PLA2G4E: variants seen among roughly 807,000 people sequenced by gnomAD.
PLA2G4E encodes the protein cytosolic phospholipase A2 epsilon.
In PLA2G4E, 84 loss-of-function variants were observed where a neutral mutation model predicts 109.1. The observed-to-expected ratio is 0.77, with a 90% CI of 0.65 to 0.92. The LOEUF is 0.92. Among genes scored for constraint, PLA2G4E ranks in the 40% least tolerant of loss-of-function variants. The pLI is 0.00. For missense variants in PLA2G4E, 1,057 were observed against 1,076.6 expected (o/e 0.98, Z 0.25); for synonymous variants, 469 against 436.1 (o/e 1.08, Z -0.94).
At chr15:41,992,818 G>C (rs1425312429) in exon 13 of PLA2G4E, 2 of 1,613,914 alleles carry the variant, frequency 1.2e-6, no homozygotes, top group Non-Finnish European at 1.7e-6. Flanking sequence ...TGCGCTGCCG[G>C]AGCTCCTCCT....
chr15:42,044,254 C>T (rs1190488395), intron 1 of PLA2G4E, among the ~76,000 whole-genome samples: 3 of 152,066 alleles, frequency 2.0e-5, no homozygotes, highest in Non-Finnish European at 4.4e-5. Flanking sequence ...TTTGGGGAGA[C>T]GTCAGGGATG....
chr15:42,042,654 G>C (rs59777052), intron 1 of PLA2G4E, among the ~76,000 whole-genome samples: 29,055 of 149,220 alleles, frequency 0.19, 2,903 homozygotes, highest in South Asian at 0.33. Flanking sequence ...GGTGTAGCTT[G>C]AGGTGGGGTC....
chr15:42,003,424 A>G (rs1002345539), intron 5 of PLA2G4E, among the ~76,000 whole-genome samples: 3 of 152,092 alleles, frequency 2.0e-5, no homozygotes, highest in Non-Finnish European at 4.4e-5. Flanking sequence ...ATGCCCAACT[A>G]ATTTTTTGTA....
chr15:42,006,281 G>T, intron 3 of PLA2G4E, 160 bp from the exon 4 acceptor site: 1 of 844,674 alleles, frequency 1.2e-6, no homozygotes, highest in Non-Finnish European at 1.7e-6. Flanking sequence ...GTAGGGAAAC[G>T]AATTAAGGAA....
chr15:41,981,843 A>C (rs1460926016), exon 20 of PLA2G4E: 1 of 152,258 alleles, frequency 6.6e-6, no homozygotes, highest in African/African-American at 2.4e-5. Context: ...GATGGGGACC[A>C]GTTTTGCAGG....
In PLA2G4E at chr15:42,027,202, G is replaced by A. The variant is rs570519465; in HGVS notation, c.184-13445C>T. Reference sequence around the variant, plus strand: ...TTGACAGGAAGAGGCAGGAAACACTGGTAAATCTATCAAGGACATCTACAA... The same window carrying A: ...TTGACAGGAAGAGGCAGGAAACACTAGTAAATCTATCAAGGACATCTACAA... On this transcript the variant is annotated intron_variant, in intron 1 of 19. Transcript: ENST00000399518. Among the ~76,000 whole-genome samples, 67 of 152,242 alleles carry A rather than the reference G, an allele frequency of 4.4e-4. 1 individual carries two copies. Among genetic ancestry groups the A allele is most frequent in the Admixed American group, 2.6e-4 (4 of 15,294 alleles).
At chr15:41,990,946 C>T (rs2068237485) in intron 13 of PLA2G4E, among the ~76,000 whole-genome samples, 1 of 151,924 alleles carries the variant, frequency 6.6e-6, no homozygotes, top group African/African-American at 2.4e-5. Flanking sequence ...GCAGCTGACT[C>T]CTGGGTGACC....
chr15:42,011,195 C>T (rs1026688429), intron 2 of PLA2G4E, among the ~76,000 whole-genome samples: 4 of 152,270 alleles, frequency 2.6e-5, no homozygotes, highest in African/African-American at 9.6e-5. Flanking sequence ...CCAAAGGCAG[C>T]CTGTCTGCCC....
At chr15:42,001,934 C>T (rs1165042032) in intron 6 of PLA2G4E, among the ~76,000 whole-genome samples, 1 of 152,174 alleles carries the variant, frequency 6.6e-6, no homozygotes, top group Non-Finnish European at 1.5e-5. Context: ...CTCAAGTGAT[C>T]CCCCAACCTT....
intron 2 of PLA2G4E, among the ~76,000 whole-genome samples, chr15:42,010,507 C>T (rs190505200): frequency 1.4e-3 from 210 of 152,298 alleles, no homozygotes; most frequent in African/African-American, 4.8e-3. Flanking sequence ...GGTTAGGCAA[C>T]GGTGACCTGG....
chr15:42,007,855 T>G lies in PLA2G4E; in HGVS notation c.267A>C (p.Thr89=), dbSNP rs763054898. The G allele has an allele frequency of 1.9e-6, 3 of 1,603,654 alleles. No individual in the cohort carries two copies. In the African/African-American group the frequency reaches 4.0e-5, roughly 21 times the overall value. ...GCAGCCAGAGGCTCACAAAACAGTC[T>G]GTCTGGCTCACTGTCCAAGAAAGAT... The change falls in exon 3 of 20, where the codon ACA becomes ACC. Residue 89 remains threonine, a synonymous_variant. Transcript: ENST00000399518.
Position 42,029,268 on chromosome 15 carries a change from A to AT in PLA2G4E, c.184-15512dup, listed in dbSNP as rs534218458. ...ATCACCACGCCTAGCTAATTTTTGT[A>AT]TTTTTTTTGTAGAGACAGGGTTTTG... is the stretch of plus-strand genomic sequence containing the variant. On this transcript the variant is annotated intron_variant, in intron 1 of 19. Coordinates refer to ENST00000399518, the Ensembl canonical transcript of PLA2G4E. 1.3e-3 allele frequency among the ~76,000 whole-genome samples: 204 copies of AT among 151,720 alleles called. 1 individual carries two copies. Among genetic ancestry groups the AT allele is most frequent in the Non-Finnish European group, 1.7e-3 (118 of 67,844 alleles).
At chr15:42,009,468 G>A (rs998258112) in intron 2 of PLA2G4E, among the ~76,000 whole-genome samples, 9 of 152,154 alleles carry the variant, frequency 5.9e-5, no homozygotes, top group Non-Finnish European at 1.2e-4. Flanking sequence ...AAGCCACAAG[G>A]AGCTTTTTAG....
chr15:41,999,458 G>C (rs924194263), intron 10 of PLA2G4E, 66 bp downstream of exon 10: 1 of 1,217,498 alleles, frequency 8.2e-7, no homozygotes, highest in African/African-American at 1.5e-5. Context: ...AAACCACAGT[G>C]AGATACCACT....
At chr15:42,046,225 A>T (rs1225237030) in intron 1 of PLA2G4E, among the ~76,000 whole-genome samples, 2 of 152,228 alleles carry the variant, frequency 1.3e-5, no homozygotes, top group South Asian at 4.1e-4. Context: ...AGACAAAGTG[A>T]TGCAGGTAAA....
At chr15:42,043,133 A>G (rs1362938128) in intron 1 of PLA2G4E, among the ~76,000 whole-genome samples, 1 of 152,166 alleles carries the variant, frequency 6.6e-6, no homozygotes, top group Non-Finnish European at 1.5e-5. Context: ...TGGAAACCTA[A>G]TGATCTGTTC....
intron 10 of PLA2G4E, chr15:41,997,872 C>T (rs2068366939): frequency 6.6e-6 from 1 of 152,118 alleles, no homozygotes; most frequent in Non-Finnish European, 1.5e-5. Flanking sequence ...GCAGGCACCT[C>T]TGTGACATGC....
intron 1 of PLA2G4E, among the ~76,000 whole-genome samples, chr15:42,032,499 C>T (rs1000766488): frequency 1.2e-4 from 19 of 152,200 alleles, no homozygotes; most frequent in African/African-American, 4.3e-4. Context: ...CTGAGGAAGG[C>T]CTTGGCTCCC....
At chr15:42,044,280 C>G (rs1213637440) in intron 1 of PLA2G4E, among the ~76,000 whole-genome samples, 1 of 152,170 alleles carries the variant, frequency 6.6e-6, no homozygotes, top group African/African-American at 2.4e-5. Context: ...CCAGAGGAAG[C>G]AGCCTTGAAG....
Sources: allele counts gnomAD v4.1 joint callset (sites outside exome capture counted in the v4.1 genomes callset), GRCh38; gene constraint gnomAD v4.1.1; transcripts MANE v1.5; gene names NCBI Gene and HGNC (gene_info 2026-07-23, HGNC 2026-07-21).